CTNND2: variants seen among roughly 807,000 people sequenced by gnomAD.
CTNND2 encodes the protein catenin delta-2.
In CTNND2, 22 loss-of-function variants were observed where a neutral mutation model predicts 144.4. The ratio of observed to expected loss-of-function variants is 0.15; its 90% confidence interval spans 0.11 to 0.22. The LOEUF is 0.22. Among genes scored for constraint, CTNND2 ranks in the 10% least tolerant of loss-of-function variants. CTNND2 has a pLI of 1.00. For missense variants in CTNND2, 1,353 were observed against 1,618.8 expected (o/e 0.84, Z 2.82); for synonymous variants, 751 against 695.6 (o/e 1.08, Z -1.25).
intron 3 of CTNND2, among the ~76,000 whole-genome samples, chr5:11,443,355 G>A (rs1764497840): frequency 1.9e-5 from 1 of 52,612 alleles, no homozygotes; most frequent in Non-Finnish European, 3.3e-5. Flanking sequence ...GTGTGTGGGA[G>A]GGTGTGTGGG....
intron 1 of CTNND2, among the ~76,000 whole-genome samples, chr5:11,756,700 A>G (rs6860272): frequency 0.077 from 11,577 of 151,202 alleles, 1,181 homozygotes; most frequent in African/African-American, 0.23. Context: ...GATGCTATAT[A>G]TATTGTCTGT....
intron 9 of CTNND2, among the ~76,000 whole-genome samples, chr5:11,237,547 C>A (rs557786410): frequency 2.9e-4 from 44 of 152,110 alleles, no homozygotes; most frequent in African/African-American, 1.1e-3. Context: ...GTCACCCAGG[C>A]TGGAGTGCAG....
chr5:11,359,118 C>A (rs1756189357), intron 8 of CTNND2, among the ~76,000 whole-genome samples: 2 of 152,194 alleles, frequency 1.3e-5, no homozygotes, highest in African/African-American at 4.8e-5. Flanking sequence ...TTATTTATTT[C>A]TGCTTAATAG....
At chr5:11,058,458 G>T (rs1298258186) in intron 16 of CTNND2, among the ~76,000 whole-genome samples, 1 of 152,226 alleles carries the variant, frequency 6.6e-6, no homozygotes, top group Non-Finnish European at 1.5e-5. Flanking sequence ...GAGACTGCAG[G>T]TGCACAGAAG....
chr5:11,364,762 T>C lies in CTNND2; in HGVS notation c.1306A>G (p.Ser436Gly). The C allele has an allele frequency of 6.2e-7, 1 of 1,613,922 alleles. No individual in the cohort carries two copies. Among genetic ancestry groups the C allele is most frequent in the Non-Finnish European group, 8.5e-7 (1 of 1,179,930 alleles). Residue 436 changes from serine (S) to glycine (G), a missense_variant, in exon 8 of 22, where the codon AGT becomes GGT. This residue lies in a region of CTNND2 where 708 missense variants were observed against 706.4 expected (regional missense o/e 1.00). Transcript: ENST00000304623. ...GGGTCCCCCTGGCTCTGGCTGAGAC[T>C]CCTCATAGGGGGCTTCTGATAGACG... is the stretch of plus-strand genomic sequence containing the variant. ...DRVYQKPPMR[S>G]LSQSQGDPLP...
chr5:11,574,263 T>C (rs1286918714), intron 2 of CTNND2, among the ~76,000 whole-genome samples: 1 of 152,158 alleles, frequency 6.6e-6, no homozygotes, highest in Non-Finnish European at 1.5e-5. Flanking sequence ...TACCTTATTC[T>C]GCTAAGTGCT....
intron 10 of CTNND2, among the ~76,000 whole-genome samples, chr5:11,231,379 G>C (rs1040534199): frequency 6.6e-6 from 1 of 152,190 alleles, no homozygotes; most frequent in African/African-American, 2.4e-5. Context: ...AAGTACAAAA[G>C]TTTGGAAGTT....
At chr5:11,892,240 T>A (rs1313506870) in intron 1 of CTNND2, among the ~76,000 whole-genome samples, 2 of 152,194 alleles carry the variant, frequency 1.3e-5, no homozygotes, top group Non-Finnish European at 2.9e-5. Context: ...ATGCCAATGA[T>A]TTCATGCAAA....
chr5:11,236,958 A>C lies in CTNND2; in HGVS notation c.1629-135T>G, dbSNP rs893595234. ...CATAAATGACTGTTCTGGTTTTCTT[A>C]CATGCAGACCCATTTAAGGGGATTT... On this transcript the variant is annotated intron_variant, in intron 9 of 21. Coordinates refer to ENST00000304623, the MANE Select transcript of CTNND2 (RefSeq NM_001332.4). 7 of 860,528 alleles carry C rather than the reference A, an allele frequency of 8.1e-6. No homozygotes were observed. The African/African-American group carries it at 1.2e-4, about 15-fold the overall frequency. The allele number at this position is 860,528 out of a possible 1,614,324, so 53.3% of individuals were successfully genotyped here. A position where few individuals can be genotyped will look rare whatever the true frequency, so the allele number is the denominator to read the frequency against.
chr5:11,145,929 G>A (rs1757199627), intron 12 of CTNND2, among the ~76,000 whole-genome samples: 1 of 152,148 alleles, frequency 6.6e-6, no homozygotes, highest in Non-Finnish European at 1.5e-5. Flanking sequence ...TCCTACAGGT[G>A]GATCTTCTGG....
intron 12 of CTNND2, among the ~76,000 whole-genome samples, chr5:11,144,822 G>C (rs865920240): frequency 1.3e-5 from 2 of 152,154 alleles, no homozygotes; most frequent in Middle Eastern, 3.2e-3. Context: ...TAAGGAAATA[G>C]ATGTGTGTAG....
chr5:11,807,440 A>AC (rs1224780967), intron 1 of CTNND2, among the ~76,000 whole-genome samples: 1 of 152,130 alleles, frequency 6.6e-6, no homozygotes, highest in Non-Finnish European at 1.5e-5. Context: ...TTTTTAACTT[A>AC]CGTGATATTC....
intron 9 of CTNND2, among the ~76,000 whole-genome samples, chr5:11,268,601 T>C (rs1375621240): frequency 6.6e-6 from 1 of 152,034 alleles, no homozygotes; most frequent in Non-Finnish European, 1.5e-5. Context: ...AAGACTCTGA[T>C]ACACACAAAA....
At chr5:11,815,160 A>G (rs1315471354) in intron 1 of CTNND2, among the ~76,000 whole-genome samples, 1 of 152,162 alleles carries the variant, frequency 6.6e-6, no homozygotes, top group Non-Finnish European at 1.5e-5. Context: ...CAGATATAGA[A>G]ATTATGTGAA....
chr5:11,808,456 T>C (rs1792131538), intron 1 of CTNND2, among the ~76,000 whole-genome samples: 1 of 152,188 alleles, frequency 6.6e-6, no homozygotes, highest in Admixed American at 6.5e-5. Flanking sequence ...TCTCTGGGAA[T>C]TCTTTAATTT....
chr5:11,316,291 T>TGCAACTACA (rs1751465669), intron 9 of CTNND2, among the ~76,000 whole-genome samples: 1 of 151,980 alleles, frequency 6.6e-6, no homozygotes, highest in Admixed American at 6.6e-5. Flanking sequence ...AGTGGTGTGA[T>TGCAACTACA]CTTGGCTCAC....
At chr5:11,561,168 G>T (rs765581760) in intron 3 of CTNND2, among the ~76,000 whole-genome samples, 5 of 152,146 alleles carry the variant, frequency 3.3e-5, no homozygotes, top group African/African-American at 4.8e-5. Flanking sequence ...TACCAAGAGG[G>T]ACTTGATTAT....
chr5:11,641,327 C>G (rs1023303280), intron 2 of CTNND2, among the ~76,000 whole-genome samples: 1 of 151,886 alleles, frequency 6.6e-6, no homozygotes, highest in African/African-American at 2.4e-5. Flanking sequence ...AACATCTATC[C>G]CAGGAACCGG....
At chr5:11,072,289 T>C (rs981152015) in intron 16 of CTNND2, among the ~76,000 whole-genome samples, 1 of 152,242 alleles carries the variant, frequency 6.6e-6, no homozygotes, top group East Asian at 1.9e-4. Flanking sequence ...TTAACATATA[T>C]GTGCATCAGC....
Sources: allele counts gnomAD v4.1 joint callset (sites outside exome capture counted in the v4.1 genomes callset), GRCh38; gene constraint gnomAD v4.1.1; regional missense constraint gnomAD v4.1.1; transcripts MANE v1.5; gene names NCBI Gene and HGNC (gene_info 2026-07-23, HGNC 2026-07-21).